OTOGL: variants seen among roughly 807,000 people sequenced by gnomAD.
The protein encoded by OTOGL is otogelin like, also known as otogelin-like protein.
A neutral mutation model predicts 318.5 loss-of-function variants in OTOGL; 285 were observed. The observed-to-expected ratio is 0.89, with a 90% CI of 0.81 to 0.99. The LOEUF is 0.99. OTOGL is among the 50% of genes least tolerant of loss of function. OTOGL has a pLI of 0.00. For missense variants in OTOGL, 2,899 were observed against 2,845.6 expected, an observed-to-expected ratio of 1.02 and a Z score of -0.43; for synonymous variants, 987 against 936.5, an observed-to-expected ratio of 1.05 and a Z score of -0.99.
intron 1 of OTOGL, among the ~76,000 whole-genome samples, chr12:80,123,758 T>A (rs13329584): frequency 0.028 from 4,302 of 152,226 alleles, 199 homozygotes; most frequent in African/African-American, 0.099. Context: ...TATCTCATTG[T>A]GGTTTTGATT....
At chr12:80,364,203 A>G (rs1332135499) in intron 52 of OTOGL, among the ~76,000 whole-genome samples, 1 of 152,172 alleles carries the variant, frequency 6.6e-6, no homozygotes, top group Non-Finnish European at 1.5e-5. Flanking sequence ...TTCATCCATG[A>G]TGATCTAGTT....
chr12:80,297,075 G>A, intron 27 of OTOGL, 114 bp downstream of exon 27: 1 of 1,045,872 alleles, frequency 9.6e-7, no homozygotes, highest in Non-Finnish European at 1.3e-6. Context: ...TCTATGTTGT[G>A]TTTTGTTTTC....
At chr12:80,137,659 T>A (rs370563260) in intron 1 of OTOGL, among the ~76,000 whole-genome samples, 24 of 152,314 alleles carry the variant, frequency 1.6e-4, no homozygotes, top group Non-Finnish European at 2.8e-4. Flanking sequence ...AAATGGCTTA[T>A]TTAAAGCCCC....
At chr12:80,250,086 C>T (rs561087877) in intron 11 of OTOGL, among the ~76,000 whole-genome samples, 3 of 152,190 alleles carry the variant, frequency 2.0e-5, no homozygotes, top group Non-Finnish European at 4.4e-5. Flanking sequence ...GTGAGATGAA[C>T]CCGGTACCTC....
At chr12:80,171,657 A>G (rs928562453) in intron 1 of OTOGL, among the ~76,000 whole-genome samples, 4 of 152,156 alleles carry the variant, frequency 2.6e-5, no homozygotes, top group Non-Finnish European at 5.9e-5. Flanking sequence ...TGGCTATTCC[A>G]TATAAATTTT....
chr12:80,178,566 A>T (rs886190333), intron 1 of OTOGL, among the ~76,000 whole-genome samples: 3 of 152,058 alleles, frequency 2.0e-5, no homozygotes, highest in Non-Finnish European at 4.4e-5. Context: ...TCCTTAACTT[A>T]GAGAGATTAC....
intron 19 of OTOGL, among the ~76,000 whole-genome samples, chr12:80,263,380 A>G (rs1313645970): frequency 6.6e-6 from 1 of 152,122 alleles, no homozygotes; most frequent in Non-Finnish European, 1.5e-5. Flanking sequence ...GTAGAGTTCA[A>G]TTGATAAATT....
intron 1 of OTOGL, among the ~76,000 whole-genome samples, chr12:80,165,182 C>A (rs929476300): frequency 8.5e-5 from 13 of 152,104 alleles, no homozygotes; most frequent in Admixed American, 5.9e-4. Context: ...CTGTCCAGTA[C>A]TTTTTCTTCT....
At chr12:80,339,298 G>GTTTCTTTT (rs1888611013) in intron 43 of OTOGL, 34 bp downstream of exon 43, 1 of 445,022 alleles carries the variant, frequency 2.2e-6, no homozygotes, top group Non-Finnish European at 3.1e-6. Flanking sequence ...GATTTCGTCT[G>GTTTCTTTT]TTTTTTTTTT....
Position 80,108,802 on chromosome 12 carries a change from T to C in OTOGL, c.-20+9197T>C, listed in dbSNP as rs1233261939. On this transcript the variant is annotated intron_variant, in intron 1 of 58. Coordinates refer to ENST00000547103, the MANE Select transcript of OTOGL (RefSeq NM_001378609.3). ...ATATATATATGTATATATATATATGTATATATATATGTGTATATATATGTA... is the reference window on the plus strand; with the variant it reads ...ATATATATATGTATATATATATATGCATATATATATGTGTATATATATGTA... 8.2e-5 allele frequency among the ~76,000 whole-genome samples: 3 copies of C among 36,508 alleles called. 1 individual carries two copies. Among genetic ancestry groups the C allele is most frequent in the Non-Finnish European group, 2.5e-4 (3 of 11,848 alleles). 24.0% of individuals were successfully genotyped at this position (36,508 alleles called of 152,430 possible).
intron 1 of OTOGL, among the ~76,000 whole-genome samples, chr12:80,162,243 A>G (rs577984309): frequency 6.6e-6 from 1 of 152,306 alleles, no homozygotes; most frequent in Non-Finnish European, 1.5e-5. Context: ...AACCACAGTC[A>G]TATTTTTGTC....
chr12:80,219,313 C>T (rs1382285855), intron 5 of OTOGL, among the ~76,000 whole-genome samples: 4 of 152,086 alleles, frequency 2.6e-5, no homozygotes, highest in Non-Finnish European at 4.4e-5. Flanking sequence ...AGTTTCACCA[C>T]GTTGGCCAGG....
intron 5 of OTOGL, 64 bp downstream of exon 5, chr12:80,217,728 G>C: frequency 8.2e-7 from 1 of 1,213,866 alleles, no homozygotes; most frequent in Non-Finnish European, 1.2e-6. Context: ...GGGATATATT[G>C]AATCAAGTAT....
At position 80,122,111 on chromosome 12, in the gene OTOGL, G is replaced by A. The variant is rs185599533; in HGVS notation, c.-20+22506G>A. Among the ~76,000 whole-genome samples the A allele has an allele frequency of 4.1e-3, 623 of 152,098 alleles. 6 individuals are homozygous for A. The highest frequency in any genetic ancestry group is 6.0e-3 in the Non-Finnish European group (409 of 67,970). ...AAAATACCACAAAAAATGAACAATT[G>A]CCAAATCCATCCTTTTCAAAACTTT... On this transcript the variant is annotated intron_variant, in intron 1 of 58. Coordinates refer to ENST00000547103, the MANE Select transcript of OTOGL (RefSeq NM_001378609.3).
At chr12:80,153,404 G>A (rs1214997841) in intron 1 of OTOGL, among the ~76,000 whole-genome samples, 1 of 152,108 alleles carries the variant, frequency 6.6e-6, no homozygotes, top group Non-Finnish European at 1.5e-5. Context: ...CCATCACATT[G>A]GGGATTAAGT....
intron 49 of OTOGL, among the ~76,000 whole-genome samples, chr12:80,357,554 A>G (rs1889984848): frequency 6.6e-6 from 1 of 152,196 alleles, no homozygotes; most frequent in African/African-American, 2.4e-5. Flanking sequence ...GCTTTAGCAC[A>G]ACCTGTTATT....
chr12:80,202,353 C>T lies in OTOGL; in HGVS notation c.-19-7060C>T, dbSNP rs370158916. On this transcript the variant is annotated intron_variant, in intron 1 of 58. Transcript: ENST00000547103. ...TGGTGTGATCTCAGCTCACTGCAAC[C>T]TCCACCTCCCAGGTTCAAGCAATTC... Among the ~76,000 whole-genome samples, 138 of 151,288 alleles carry T rather than the reference C, an allele frequency of 9.1e-4. 2 individuals are homozygous for T. The highest frequency in any genetic ancestry group is 3.2e-3 in the African/African-American group (132 of 41,242).
intron 19 of OTOGL, among the ~76,000 whole-genome samples, chr12:80,264,540 A>G (rs113101373): frequency 3.3e-5 from 5 of 152,342 alleles, no homozygotes; most frequent in African/African-American, 1.2e-4. Context: ...ACACATTACC[A>G]TTCATTTCAG....
intron 2 of OTOGL, among the ~76,000 whole-genome samples, chr12:80,210,105 C>A (rs1416445859): frequency 2.0e-5 from 3 of 151,882 alleles, no homozygotes; most frequent in African/African-American, 7.3e-5. Flanking sequence ...AGCTTATAAA[C>A]ACACACAAAA....
Sources: allele counts gnomAD v4.1 joint callset (sites outside exome capture counted in the v4.1 genomes callset), GRCh38; gene constraint gnomAD v4.1.1; transcripts MANE v1.5; gene names NCBI Gene and HGNC (gene_info 2026-07-23, HGNC 2026-07-21).